Variants in TECR observed in about 807,000 individuals in gnomAD.
TECR encodes very-long-chain enoyl-CoA reductase.
In TECR, 19 loss-of-function variants were observed where a neutral mutation model predicts 50.6. The observed-to-expected ratio is 0.38, with a 90% CI of 0.26 to 0.55. The LOEUF (loss-of-function observed/expected upper bound fraction) is 0.55, where lower values mean the gene tolerates loss of function less well. TECR is among the 20% of genes least tolerant of loss of function. The probability of loss-of-function intolerance (pLI) is 0.79; values close to 1 mark genes in which losing one functional copy is unlikely to be tolerated. For synonymous variants in TECR, 168 were observed against 163.5 expected, an observed-to-expected ratio of 1.03 and a Z score of -0.21; for missense variants, 313 against 408.3, an observed-to-expected ratio of 0.77 and a Z score of 2.01.
Position 14,562,556 on chromosome 19 carries a change from A to G in TECR, c.47A>G (p.Lys16Arg), listed in dbSNP as rs574359444. The change falls in exon 2 of 13, where the codon AAG becomes AGG. Residue 16 changes from lysine (K) to arginine (R), a missense_variant. By Grantham distance (26) the Lys-to-Arg change is conservative. Transcript: ENST00000215567. The stretch of plus-strand genomic sequence containing the variant: ...ATTCTGGACGCAAAGACAAGGGAGA[A>G]GCTGTGTTTCTTGGACAAGGTAGGA... Reference protein sequence around the residue: ...VEILDAKTREKLCFLDKVEPH... With the variant: ...VEILDAKTRERLCFLDKVEPH... 21 of 1,614,182 alleles carry G rather than the reference A, an allele frequency of 1.3e-5. 1 individual carries two copies. The South Asian group carries it at 2.3e-4, about 18-fold the overall frequency.
Position 14,564,057 on chromosome 19 carries a change from C to T in TECR, c.343C>T (p.His115Tyr). The T allele has an allele frequency of 6.2e-7, 1 of 1,613,756 alleles. No individual in the cohort carries two copies. The highest frequency in any genetic ancestry group is 8.5e-7 in the Non-Finnish European group (1 of 1,179,948). ...FYFRVPFIYG[H>Y]KYDFTSSRHT... ...CTTCCGAGTGCCCTTCATCTATGGCCACAAATATGACTTTACGTCCAGTCG... is the reference window on the plus strand; with the variant it reads ...CTTCCGAGTGCCCTTCATCTATGGCTACAAATATGACTTTACGTCCAGTCG... The change falls in exon 6 of 13, where the codon CAC (histidine) becomes TAC (tyrosine). Residue 115 changes from histidine (H) to tyrosine (Y), a missense_variant. By Grantham distance (83) the His-to-Tyr change is moderately conservative. Transcript: ENST00000215567.
chr19:14,528,462 ACTC>A (rs2072486744), upstream of TECR, among the ~76,000 whole-genome samples: 1 of 143,822 alleles, frequency 7.0e-6, no homozygotes, highest in South Asian at 2.2e-4. Flanking sequence ...CTGGTCTCGA[ACTC>A]CTCACCTCGT....
chr19:14,541,460 C>T (rs570977652), intron 1 of TECR, among the ~76,000 whole-genome samples: 5 of 152,360 alleles, frequency 3.3e-5, no homozygotes, highest in South Asian at 2.1e-4. Context: ...GGCCTTTTCC[C>T]GTCATAGGAC....
intron 1 of TECR, among the ~76,000 whole-genome samples, chr19:14,560,788 C>T (rs2073880088): frequency 6.6e-6 from 1 of 152,184 alleles, no homozygotes; most frequent in African/African-American, 2.4e-5. Context: ...GGGAAATAGG[C>T]CCCCATGCTG....
intron 7 of TECR, 149 bp from the exon 8 acceptor site, chr19:14,564,637 C>T: frequency 1.2e-6 from 1 of 808,494 alleles, no homozygotes; most frequent in Admixed American, 2.1e-5. Flanking sequence ...TAGCCTCACC[C>T]CTTGGCCCCG....
chr19:14,550,590 C>A (rs1253549961), intron 1 of TECR, among the ~76,000 whole-genome samples: 1 of 152,154 alleles, frequency 6.6e-6, no homozygotes, highest in African/African-American at 2.4e-5. Flanking sequence ...CTGGACCATC[C>A]CCTGGGGGTC....
intron 1 of TECR, among the ~76,000 whole-genome samples, chr19:14,539,292 C>T (rs1206896940): frequency 6.6e-6 from 1 of 151,892 alleles, no homozygotes; most frequent in Non-Finnish European, 1.5e-5. Flanking sequence ...CCACACCTGG[C>T]TGCAAGTCAC....
At chr19:14,561,878 AT>A (rs2073913111) in intron 1 of TECR, 1 of 157,840 alleles carries the variant, frequency 6.3e-6, no homozygotes, top group African/African-American at 2.4e-5. Flanking sequence ...AATAGCTGGG[AT>A]TTCTCCAAGC....
rs141521828 is a variant in TECR, at chr19:14,557,135, T to G, written c.16-5390T>G. The stretch of plus-strand genomic sequence containing the variant: ...TAATCTTATTTATTTATTTATTTAT[T>G]TATTTATTTATTTATTTATTTTGAG... On this transcript the variant is annotated intron_variant, in intron 1 of 12. Transcript: ENST00000215567. Among the ~76,000 whole-genome samples the G allele has an allele frequency of 4.8e-3, 612 of 127,312 alleles. 4 individuals are homozygous for G. Among genetic ancestry groups the G allele is most frequent in the African/African-American group, 0.016 (499 of 30,388 alleles). The allele number at this position is 127,312 out of a possible 152,430, so 83.5% of individuals were successfully genotyped here.
chr19:14,543,405 A>ATTTTTTT (rs2073173760), intron 1 of TECR, among the ~76,000 whole-genome samples: 2 of 19,572 alleles, frequency 1.0e-4, no homozygotes, highest in Non-Finnish European at 1.9e-4. Flanking sequence ...ATATATATAT[A>ATTTTTTT]TATATATATA....
chr19:14,552,574 C>A (rs2073567620), intron 1 of TECR, among the ~76,000 whole-genome samples: 1 of 151,778 alleles, frequency 6.6e-6, no homozygotes, highest in South Asian at 2.1e-4. Context: ...CGTTCTGTCG[C>A]CCAGGCTGGA....
At position 14,564,091 on chromosome 19, in the gene TECR, T is replaced by A; in HGVS notation, c.377T>A (p.Val126Glu). ...GACTTTACGTCCAGTCGGCATACAGTGGTGCAGTAAGTGGGGCAGGTGGGA... is the reference window on the plus strand; with the variant it reads ...GACTTTACGTCCAGTCGGCATACAGAGGTGCAGTAAGTGGGGCAGGTGGGA... ...KYDFTSSRHTVVHLACICHSF... is the reference protein window; with the variant it reads ...KYDFTSSRHTEVHLACICHSF... Residue 126 changes from valine to glutamate, a missense_variant, in exon 6 of 13, where the codon GTG becomes GAG. Val to Glu is a moderately radical substitution (Grantham distance 121). Coordinates refer to ENST00000215567, the MANE Select transcript of TECR (RefSeq NM_138501.6). 1 of 1,611,920 alleles carries A rather than the reference T, an allele frequency of 6.2e-7. No individual in the cohort carries two copies. Among genetic ancestry groups the A allele is most frequent in the East Asian group, 2.2e-5 (1 of 44,842 alleles).
At chr19:14,535,756 C>CAAATA (rs2072876362) in intron 1 of TECR, among the ~76,000 whole-genome samples, 1 of 51,944 alleles carries the variant, frequency 1.9e-5, no homozygotes, top group Non-Finnish European at 3.3e-5. Context: ...GACTCTGTCT[C>CAAATA]AAAAAAAAAA....
At chr19:14,559,845 C>T (rs566434360) in intron 1 of TECR, among the ~76,000 whole-genome samples, 1 of 152,144 alleles carries the variant, frequency 6.6e-6, no homozygotes, top group South Asian at 2.1e-4. Flanking sequence ...GGAGAGGTCT[C>T]CTGCTCCCCC....
Position 14,529,637 on chromosome 19 carries a change from G to A in TECR, c.-60G>A, listed in dbSNP as rs142882191. 5.6e-6 allele frequency: 9 copies of A among 1,613,438 alleles called. No homozygotes were observed. In the African/African-American group the frequency reaches 6.7e-5, roughly 12 times the overall value. Reference sequence around the variant, plus strand: ...GTTGCGAGCGCTGTAGGGAGCCTGTGCTGTGCCGCGCAGTTAGGCAGCAGC... The same window carrying A: ...GTTGCGAGCGCTGTAGGGAGCCTGTACTGTGCCGCGCAGTTAGGCAGCAGC... On this transcript the variant is annotated 5_prime_UTR_variant, in exon 1 of 13. Transcript: ENST00000215567.
intron 1 of TECR, among the ~76,000 whole-genome samples, chr19:14,532,703 A>G (rs529637844): frequency 6.6e-6 from 1 of 152,182 alleles, no homozygotes; most frequent in Non-Finnish European, 1.5e-5. Flanking sequence ...AGCGGATTGC[A>G]TAGCAAGCAG....
chr19:14,542,347 GTTT>G (rs71166754), intron 1 of TECR, among the ~76,000 whole-genome samples: 11 of 43,292 alleles, frequency 2.5e-4, no homozygotes, highest in Non-Finnish European at 3.5e-4. Flanking sequence ...ATGCCATAGT[GTTT>G]TTTTTTTTTT....
intron 1 of TECR, among the ~76,000 whole-genome samples, chr19:14,546,840 C>G (rs1216710358): frequency 6.6e-6 from 1 of 152,186 alleles, no homozygotes; most frequent in African/African-American, 2.4e-5. Context: ...CAGGTGCACA[C>G]CACTACGCCC....
chr19:14,529,512 AG>A (rs781159055), upstream of TECR: 1 of 773,438 alleles, frequency 1.3e-6, no homozygotes, highest in Admixed American at 2.0e-5. Flanking sequence ...CCCAAGGAGC[AG>A]GGGCGAACGT....
Sources: gnomAD v4.1 joint callset for allele counts (sites outside exome capture counted in the v4.1 genomes callset) on GRCh38, gnomAD v4.1.1 for gene constraint, MANE v1.5 for transcripts, NCBI Gene and HGNC (gene_info 2026-07-23, HGNC 2026-07-21) for gene names.